Variants in PDE10A observed in about 807,000 individuals in gnomAD.
The protein encoded by PDE10A is cAMP and cAMP-inhibited cGMP 3',5'-cyclic phosphodiesterase 10A.
Under a neutral mutation model 97.7 loss-of-function variants are expected in PDE10A, and 39 were observed. The ratio of observed to expected loss-of-function variants is 0.40; its 90% CI spans 0.31 to 0.52. PDE10A has a LOEUF of 0.52. PDE10A is among the 20% of genes least tolerant of loss of function. The pLI is 0.56. For missense variants in PDE10A, 731 were observed against 1,047.8 expected, an observed-to-expected ratio of 0.70 and a Z score of 4.17; for synonymous variants, 371 against 376.8, an observed-to-expected ratio of 0.98 and a Z score of 0.18.
intron 1 of PDE10A, among the ~76,000 whole-genome samples, chr6:165,656,286 ACACACACAC>A (rs1310302965): frequency 4.8e-5 from 7 of 145,656 alleles, no homozygotes; most frequent in Admixed American, 1.4e-4. Context: ...ACACACACAC[ACACACACAC>A]ACCTTTCCAA....
chr6:165,566,012 C>G (rs1784759323), intron 1 of PDE10A, among the ~76,000 whole-genome samples: 1 of 151,994 alleles, frequency 6.6e-6, no homozygotes, highest in African/African-American at 2.4e-5. Flanking sequence ...TATAGATGAA[C>G]CTGGGCATGT....
intron 1 of PDE10A, among the ~76,000 whole-genome samples, chr6:165,619,442 G>GTC (rs1695511984): frequency 4.3e-5 from 2 of 46,628 alleles, no homozygotes; most frequent in East Asian, 4.8e-4. Context: ...GTGTAGTGTA[G>GTC]TATAGTCTAG....
intron 5 of PDE10A, among the ~76,000 whole-genome samples, chr6:165,436,993 G>A (rs192984314): frequency 4.6e-5 from 7 of 152,242 alleles, no homozygotes; most frequent in African/African-American, 1.4e-4. Context: ...AATTGACAAC[G>A]ATTTTCTCAA....
intron 1 of PDE10A, among the ~76,000 whole-genome samples, chr6:165,881,417 G>A (rs1781475029): frequency 1.5e-5 from 2 of 132,538 alleles, no homozygotes; most frequent in South Asian, 4.8e-4. Context: ...TTTTTTTTGA[G>A]ATGGAGTCTT....
intron 1 of PDE10A, among the ~76,000 whole-genome samples, chr6:165,914,098 AC>A (rs1782539803): frequency 6.6e-6 from 1 of 152,182 alleles, no homozygotes; most frequent in African/African-American, 2.4e-5. Context: ...CAAAACAGCC[AC>A]CCCTACATAT....
chr6:165,798,019 G>A (rs1309505333), intron 1 of PDE10A, among the ~76,000 whole-genome samples: 1 of 152,104 alleles, frequency 6.6e-6, no homozygotes, highest in African/African-American at 2.4e-5. Flanking sequence ...TAGTAATTTT[G>A]CCCTTTGTTT....
At chr6:165,749,285 C>A (rs376437640) in intron 1 of PDE10A, among the ~76,000 whole-genome samples, 1 of 24,544 alleles carries the variant, frequency 4.1e-5, no homozygotes, top group South Asian at 1.2e-3. Flanking sequence ...CCATTACCAT[C>A]ATCACCATCA....
rs559938762 is a variant in PDE10A, at chr6:165,608,379, C to G, written c.865+53568G>C. Among the ~76,000 whole-genome samples, 4 of 151,350 alleles carry G rather than the reference C, an allele frequency of 2.6e-5. No individual in the cohort carries two copies. The East Asian group carries it at 5.9e-4, about 22-fold the overall frequency. On this transcript the variant is annotated intron_variant, in intron 1 of 21. Coordinates refer to ENST00000539869, the MANE Select transcript of PDE10A (RefSeq NM_001385079.1). ...TGCGGTGTTTGGATTTTTGTCCTTG[C>G]GATAGTTTGCTGAGAATGATGGTTT...
intron 13 of PDE10A, among the ~76,000 whole-genome samples, chr6:165,412,982 T>C (rs992109551): frequency 6.6e-6 from 1 of 152,144 alleles, no homozygotes; most frequent in African/African-American, 2.4e-5. Context: ...ACATTGAACT[T>C]CATTTTACCC....
intron 1 of PDE10A, among the ~76,000 whole-genome samples, chr6:165,648,957 C>T (rs1202096541): frequency 6.6e-6 from 1 of 152,180 alleles, no homozygotes; most frequent in Admixed American, 6.5e-5. Flanking sequence ...TCCTTGTCCC[C>T]ATCCCAGGAG....
At chr6:165,645,075 GC>G (rs1789322910) in intron 1 of PDE10A, among the ~76,000 whole-genome samples, 1 of 152,216 alleles carries the variant, frequency 6.6e-6, no homozygotes. Flanking sequence ...AGCAGTGGTG[GC>G]CTGTGCCTAG....
intron 1 of PDE10A, among the ~76,000 whole-genome samples, chr6:165,890,686 A>G (rs986758585): frequency 2.0e-5 from 3 of 152,166 alleles, no homozygotes; most frequent in Non-Finnish European, 4.4e-5. Context: ...ACAGCGTTAG[A>G]AAGGTGAAGG....
intron 2 of PDE10A, among the ~76,000 whole-genome samples, chr6:165,487,790 C>T (rs1285478017): frequency 6.6e-6 from 1 of 152,160 alleles, no homozygotes; most frequent in Non-Finnish European, 1.5e-5. Context: ...CCCCCTCCCA[C>T]TGATGCAGTT....
intron 1 of PDE10A, among the ~76,000 whole-genome samples, chr6:165,609,060 C>T (rs905451619): frequency 5.9e-4 from 90 of 152,080 alleles, no homozygotes; most frequent in Non-Finnish European, 1.1e-3. Context: ...CTGTAGGTTG[C>T]CTGTTCACTC....
At chr6:165,568,863 A>G (rs1405035929) in intron 1 of PDE10A, among the ~76,000 whole-genome samples, 1 of 152,208 alleles carries the variant, frequency 6.6e-6, no homozygotes. Context: ...TGCTGTTGAA[A>G]ATGTTATTGG....
intron 1 of PDE10A, among the ~76,000 whole-genome samples, chr6:165,571,336 C>T (rs1785040089): frequency 6.6e-6 from 1 of 152,152 alleles, no homozygotes; most frequent in African/African-American, 2.4e-5. Flanking sequence ...AAGCAAACAC[C>T]ATGAAATTCT....
intron 1 of PDE10A, among the ~76,000 whole-genome samples, chr6:165,872,923 T>C (rs1283744602): frequency 6.6e-6 from 1 of 152,200 alleles, no homozygotes; most frequent in East Asian, 1.9e-4. Context: ...ATCCAGGTGA[T>C]TCCAGGAGCC....
At chr6:165,907,673 G>T (rs990510864) in intron 1 of PDE10A, among the ~76,000 whole-genome samples, 1 of 152,220 alleles carries the variant, frequency 6.6e-6, no homozygotes, top group Non-Finnish European at 1.5e-5. Flanking sequence ...CAAGAAGGAG[G>T]AATAAAGCAC....
intron 1 of PDE10A, among the ~76,000 whole-genome samples, chr6:165,603,720 C>T (rs757524387): frequency 6.6e-6 from 1 of 152,146 alleles, no homozygotes; most frequent in Non-Finnish European, 1.5e-5. Context: ...CACAATGACC[C>T]CTAATGGTAT....
Sources: allele counts gnomAD v4.1 joint callset (sites outside exome capture counted in the v4.1 genomes callset), GRCh38; gene constraint gnomAD v4.1.1; transcripts MANE v1.5; gene names NCBI Gene and HGNC (gene_info 2026-07-23, HGNC 2026-07-21).